The following ABCC1 variants were observed in gnomAD, a reference collection of about 807,000 sequenced individuals.
ABCC1 encodes ATP binding cassette subfamily C member 1 (ABCC1 blood group).
In ABCC1, 83 loss-of-function variants were observed where a neutral mutation model predicts 172.9. The ratio of observed to expected loss-of-function variants is 0.48; its 90% CI spans 0.40 to 0.58. ABCC1 has a LOEUF of 0.58. ABCC1 is among the 20% of genes least tolerant of loss of function. ABCC1 has a pLI of 0.00. For synonymous variants in ABCC1, 937 were observed against 825.2 expected (o/e 1.14, Z -2.32); for missense variants, 1,817 against 2,002.7 (o/e 0.91, Z 1.77).
At chr16:16,078,668 CAG>C (rs1179002639) in intron 15 of ABCC1, among the ~76,000 whole-genome samples, 2 of 152,112 alleles carry the variant, frequency 1.3e-5, no homozygotes, top group Admixed American at 6.6e-5. Context: ...TGCTTTTTGT[CAG>C]AGTTTTTTGG....
intron 1 of ABCC1, among the ~76,000 whole-genome samples, chr16:15,950,574 A>G (rs941906356): frequency 6.6e-6 from 1 of 152,080 alleles, no homozygotes; most frequent in African/African-American, 2.4e-5. Flanking sequence ...TTCTTCTGTA[A>G]CGTGGCCTGC....
intron 12 of ABCC1, among the ~76,000 whole-genome samples, chr16:16,061,913 A>C (rs534794887): frequency 1.3e-5 from 2 of 151,862 alleles, no homozygotes; most frequent in Admixed American, 1.3e-4. Flanking sequence ...AGCTGGGACT[A>C]CAAGCATGCA....
chr16:16,065,081 C>T (rs2050062932), intron 12 of ABCC1, among the ~76,000 whole-genome samples: 1 of 152,142 alleles, frequency 6.6e-6, no homozygotes, highest in South Asian at 2.1e-4. Flanking sequence ...TGGGGCATTA[C>T]TGTGCCCATT....
rs775384378 is a variant in ABCC1 at position 16,136,613 on chromosome 16, C to T, written c.4261C>T (p.His1421Tyr). 41 of 1,614,146 alleles carry T rather than the reference C, an allele frequency of 2.5e-5. No individual in the cohort carries two copies. The highest frequency in any genetic ancestry group is 3.5e-5 in the Non-Finnish European group (41 of 1,180,016). The change falls in exon 29 of 31, where the codon CAT becomes TAT. Residue 1421 changes from histidine to tyrosine, a missense_variant. His to Tyr is a moderately conservative substitution (Grantham distance 83). This residue lies in a region of ABCC1 where 1,412 missense variants were observed against 1,600.3 expected (regional missense o/e 0.88). Transcript: ENST00000399410. ...FVSALPDKLD[H>Y]ECAEGGENLS... Reference sequence around the variant, plus strand: ...GTCAGCCCTTCCTGACAAGCTAGACCATGAATGTGCAGAAGGCGGGGAGAA... The same window carrying T: ...GTCAGCCCTTCCTGACAAGCTAGACTATGAATGTGCAGAAGGCGGGGAGAA...
chr16:16,094,168 C>A, intron 19 of ABCC1: 1 of 247,238 alleles, frequency 4.0e-6, no homozygotes, highest in Non-Finnish European at 8.1e-6. Context: ...AGAGTGAGCT[C>A]ACGTATGGGT....
At chr16:16,101,680 C>T (rs780568641) in intron 19 of ABCC1, among the ~76,000 whole-genome samples, 2 of 152,174 alleles carry the variant, frequency 1.3e-5, no homozygotes, top group Non-Finnish European at 2.9e-5. Flanking sequence ...AAGAATGAGG[C>T]AGTCAGTGCG....
chr16:16,096,447 A>G (rs1027737744), intron 19 of ABCC1, among the ~76,000 whole-genome samples: 1 of 152,224 alleles, frequency 6.6e-6, no homozygotes, highest in Middle Eastern at 3.4e-3. Context: ...CACCTCCCCA[A>G]GTTACACAAA....
intron 18 of ABCC1, among the ~76,000 whole-genome samples, chr16:16,089,829 C>T (rs2152017138): frequency 6.8e-6 from 1 of 147,974 alleles, no homozygotes; most frequent in African/African-American, 2.5e-5. Flanking sequence ...TGCAGTGAGC[C>T]GAGACTGTGC....
In ABCC1 at chr16:16,083,398, G is replaced by A; in HGVS notation, c.2148G>A (p.Trp716Ter). The stretch of plus-strand genomic sequence containing the variant: ...TGGCCTATGTGCCACAGCAGGCCTG[G>A]ATTCAGAATGATTCTCTCCGAGAAA... ...GSVAYVPQQA[W>*]IQNDSLRENI... The change falls in exon 17 of 31, where the codon TGG becomes TGA. Residue 716 changes from tryptophan (W) to a stop codon, truncating the protein, a stop_gained. Transcript: ENST00000399410. LOFTEE classifies it high-confidence loss of function. The A allele has an allele frequency of 6.2e-7, 1 of 1,613,822 alleles. No individual in the cohort carries two copies. Among genetic ancestry groups the A allele is most frequent in the Non-Finnish European group, 8.5e-7 (1 of 1,180,034 alleles).
At chr16:16,071,440 A>G (rs1200988153) in intron 13 of ABCC1, among the ~76,000 whole-genome samples, 1 of 151,996 alleles carries the variant, frequency 6.6e-6, no homozygotes, top group Non-Finnish European at 1.5e-5. Context: ...GGCTTTTAAA[A>G]CAAAGCAGAA....
chr16:16,093,029 T>C (rs1023657196), intron 19 of ABCC1, among the ~76,000 whole-genome samples: 14 of 152,248 alleles, frequency 9.2e-5, no homozygotes, highest in Admixed American at 2.0e-4. Context: ...CAGTGCATGA[T>C]AGCTGACATT....
intron 10 of ABCC1, among the ~76,000 whole-genome samples, chr16:16,050,921 C>A (rs1567350400): frequency 6.6e-6 from 1 of 151,720 alleles, no homozygotes; most frequent in Non-Finnish European, 1.5e-5. Context: ...AAAAAAAAAT[C>A]TAAATAAAGT....
rs1445350651 is a variant in ABCC1, at chr16:16,136,159, G to C, written c.4126-319G>C. Among the ~76,000 whole-genome samples the C allele has an allele frequency of 2.6e-5, 4 of 151,994 alleles. No homozygotes were observed. The East Asian group carries it at 7.8e-4, about 29-fold the overall frequency. ...CTGCCTCAGTCTCCTGAGTAGCTGGGACTACAGGTATGCACCACCATGCCC... is the reference window on the plus strand; with the variant it reads ...CTGCCTCAGTCTCCTGAGTAGCTGGCACTACAGGTATGCACCACCATGCCC... On this transcript the variant is annotated intron_variant, in intron 28 of 30. Coordinates refer to ENST00000399410, the MANE Select transcript of ABCC1 (RefSeq NM_004996.4).
intron 21 of ABCC1, among the ~76,000 whole-genome samples, chr16:16,107,461 T>TTA (rs950253591): frequency 3.3e-5 from 5 of 152,092 alleles, no homozygotes; most frequent in Admixed American, 2.6e-4. Context: ...AGCTAATTTT[T>TTA]GTATTTTTAG....
intron 22 of ABCC1, among the ~76,000 whole-genome samples, chr16:16,113,375 G>A (rs1217030159): frequency 4.6e-5 from 7 of 152,164 alleles, no homozygotes; most frequent in Non-Finnish European, 4.4e-5. Context: ...TTAAATAAAC[G>A]TTGGGCGCAG....
intron 14 of ABCC1, among the ~76,000 whole-genome samples, chr16:16,073,711 C>A (rs907124715): frequency 3.9e-5 from 6 of 152,162 alleles, no homozygotes; most frequent in African/African-American, 1.4e-4. Flanking sequence ...GAGCTATGAT[C>A]ATGCCACTGT....
intron 12 of ABCC1, among the ~76,000 whole-genome samples, chr16:16,059,371 C>T (rs1474574639): frequency 6.6e-6 from 1 of 152,150 alleles, no homozygotes; most frequent in Non-Finnish European, 1.5e-5. Flanking sequence ...CAGCGTAGTG[C>T]AAAAACAGCC....
intron 19 of ABCC1, chr16:16,098,121 A>C (rs567638512): frequency 6.6e-6 from 1 of 152,642 alleles, no homozygotes; most frequent in Non-Finnish European, 1.5e-5. Flanking sequence ...GCACATGTGC[A>C]TCTGGCTCTG....
intron 7 of ABCC1, among the ~76,000 whole-genome samples, chr16:16,037,839 C>T (rs1207636608): frequency 1.3e-5 from 2 of 152,156 alleles, no homozygotes; most frequent in African/African-American, 4.8e-5. Context: ...AGGACATCAG[C>T]AGAGGACCTC....
Sources: gnomAD v4.1 joint callset for allele counts (sites outside exome capture counted in the v4.1 genomes callset) on GRCh38, gnomAD v4.1.1 for gene constraint, gnomAD v4.1.1 regional missense constraint, MANE v1.5 for transcripts, NCBI Gene and HGNC (gene_info 2026-07-23, HGNC 2026-07-21) for gene names.